SNTG2: variants seen among roughly 807,000 people sequenced by gnomAD.
The protein encoded by SNTG2 is syntrophin gamma 2.
Under a neutral mutation model 70.9 loss-of-function variants are expected in SNTG2, and 74 were observed. That is an observed-to-expected ratio of 1.04 (90% CI 0.86 to 1.27). SNTG2 has a LOEUF of 1.27. Among genes scored for constraint, SNTG2 ranks in the 50% most tolerant of loss-of-function variants. SNTG2 has a pLI of 0.00. For synonymous variants in SNTG2, 278 were observed against 273.8 expected (o/e 1.02, Z -0.15); for missense variants, 717 against 690.7 (o/e 1.04, Z -0.43).
chr2:1,003,843 C>T (rs1052034989), intron 1 of SNTG2, among the ~76,000 whole-genome samples: 4 of 152,118 alleles, frequency 2.6e-5, no homozygotes, highest in Non-Finnish European at 4.4e-5. Context: ...ATTGTTGAAA[C>T]ATCATATTTT....
intron 8 of SNTG2, among the ~76,000 whole-genome samples, chr2:1,201,524 T>C (rs1203919083): frequency 6.6e-6 from 1 of 151,854 alleles, no homozygotes; most frequent in East Asian, 1.9e-4. Flanking sequence ...TATTTTCTTC[T>C]AGGTATTTTG....
chr2:1,007,058 A>T (rs11886166), intron 1 of SNTG2, among the ~76,000 whole-genome samples: 13,066 of 70,258 alleles, frequency 0.19, 752 homozygotes, highest in Admixed American at 0.35. Context: ...TAAATAAATA[A>T]ATGTGTATAT....
chr2:982,528 A>G (rs771721100), intron 1 of SNTG2, among the ~76,000 whole-genome samples: 2 of 152,318 alleles, frequency 1.3e-5, no homozygotes, highest in East Asian at 1.9e-4. Context: ...GGTTGTGAGT[A>G]AAGTTGAGTA....
chr2:1,198,644 A>G (rs1673078828), intron 8 of SNTG2, among the ~76,000 whole-genome samples: 1 of 152,198 alleles, frequency 6.6e-6, no homozygotes, highest in East Asian at 1.9e-4. Flanking sequence ...AAATTGATAA[A>G]CTGCTAGCTA....
At chr2:1,174,019 A>G (rs62107161) in intron 8 of SNTG2, among the ~76,000 whole-genome samples, 1 of 152,254 alleles carries the variant, frequency 6.6e-6, no homozygotes, top group Non-Finnish European at 1.5e-5. Context: ...TCATGTTTGT[A>G]CAATCTATGT....
intron 1 of SNTG2, among the ~76,000 whole-genome samples, chr2:1,038,933 G>C (rs1198811954): frequency 6.6e-6 from 1 of 152,082 alleles, no homozygotes; most frequent in East Asian, 1.9e-4. Flanking sequence ...AGCTCATATT[G>C]TTATGCTTCT....
chr2:1,229,290 T>A (rs1676022128), intron 9 of SNTG2, among the ~76,000 whole-genome samples: 1 of 130,782 alleles, frequency 7.6e-6, no homozygotes, highest in Admixed American at 8.3e-5. Flanking sequence ...GATACAAAGG[T>A]TCTCCACGTT....
At chr2:1,149,600 C>T (rs1311596418) in intron 6 of SNTG2, among the ~76,000 whole-genome samples, 1 of 151,934 alleles carries the variant, frequency 6.6e-6, no homozygotes, top group Admixed American at 6.6e-5. Flanking sequence ...AATCTATCCA[C>T]CATGTCTTTT....
intron 1 of SNTG2, among the ~76,000 whole-genome samples, chr2:960,774 G>A (rs936832492): frequency 2.0e-5 from 3 of 149,676 alleles, no homozygotes; most frequent in African/African-American, 4.9e-5. Context: ...TCCCACGCAC[G>A]GCTGTAGGTT....
At chr2:1,332,700 A>G (rs1351764368) in intron 16 of SNTG2, among the ~76,000 whole-genome samples, 2 of 152,218 alleles carry the variant, frequency 1.3e-5, no homozygotes, top group South Asian at 2.1e-4. Flanking sequence ...ATTAAAAACA[A>G]AAACCATATT....
intron 1 of SNTG2, among the ~76,000 whole-genome samples, chr2:1,025,340 A>G (rs1660418542): frequency 6.6e-6 from 1 of 152,152 alleles, no homozygotes; most frequent in Admixed American, 6.5e-5. Flanking sequence ...GCAGCCACAC[A>G]GGGACTTCTG....
chr2:1,326,471 T>C lies in SNTG2; in HGVS notation c.1488+10096T>C, dbSNP rs1358150733. Among the ~76,000 whole-genome samples, 4 of 152,142 alleles carry C rather than the reference T, an allele frequency of 2.6e-5. No homozygotes were observed. The East Asian group carries it at 5.8e-4, about 22-fold the overall frequency. On this transcript the variant is annotated intron_variant, in intron 16 of 16. Transcript: ENST00000308624. Reference sequence around the variant, plus strand: ...TCACTGAGAAATAACAGTGATTCATTTAAACAAAGTGATAATCAAAAGATT... The same window carrying C: ...TCACTGAGAAATAACAGTGATTCATCTAAACAAAGTGATAATCAAAAGATT...
At chr2:1,125,649 T>G (rs542031328) in intron 4 of SNTG2, among the ~76,000 whole-genome samples, 3 of 147,504 alleles carry the variant, frequency 2.0e-5, no homozygotes, top group African/African-American at 8.1e-5. Context: ...CTTAAAGATT[T>G]ACAATTAAAG....
intron 14 of SNTG2, among the ~76,000 whole-genome samples, chr2:1,284,912 T>A (rs999897595): frequency 6.8e-6 from 1 of 146,098 alleles, no homozygotes; most frequent in Admixed American, 6.9e-5. Flanking sequence ...CAATAGGAGA[T>A]CTATCTATCT....
intron 14 of SNTG2, among the ~76,000 whole-genome samples, chr2:1,305,774 T>C (rs1572951542): frequency 6.6e-6 from 1 of 152,198 alleles, no homozygotes; most frequent in East Asian, 1.9e-4. Context: ...GCTTTCTCTT[T>C]TTCCTTCATC....
chr2:1,306,786 CTGTG>C (rs536816136), intron 14 of SNTG2, among the ~76,000 whole-genome samples: 3 of 149,860 alleles, frequency 2.0e-5, no homozygotes, highest in East Asian at 2.0e-4. Flanking sequence ...CCTGTGTACT[CTGTG>C]TGTGTGAGCC....
At chr2:1,244,517 A>G (rs1677278926) in intron 11 of SNTG2, among the ~76,000 whole-genome samples, 2 of 152,096 alleles carry the variant, frequency 1.3e-5, no homozygotes, top group South Asian at 4.2e-4. Context: ...TAACACGGTG[A>G]AACCCTGTCT....
chr2:1,036,285 C>G (rs1409457347), intron 1 of SNTG2, among the ~76,000 whole-genome samples: 1 of 151,926 alleles, frequency 6.6e-6, no homozygotes, highest in Admixed American at 6.6e-5. Flanking sequence ...TCACATTTTT[C>G]TTTATTTTTT....
chr2:1,279,255 C>T (rs973253479), intron 14 of SNTG2, among the ~76,000 whole-genome samples: 6 of 152,216 alleles, frequency 3.9e-5, no homozygotes, highest in Admixed American at 6.5e-5. Context: ...TCACTCTTAT[C>T]GGATGTAGTC....
Sources: allele counts gnomAD v4.1 joint callset (sites outside exome capture counted in the v4.1 genomes callset), GRCh38; gene constraint gnomAD v4.1.1; transcripts MANE v1.5; gene names NCBI Gene and HGNC (gene_info 2026-07-23, HGNC 2026-07-21).